Variants in PARD3B observed in about 807,000 individuals in gnomAD.
The protein encoded by PARD3B is par-3 family cell polarity regulator beta.
A neutral mutation model predicts 130.2 loss-of-function variants in PARD3B; 103 were observed. The observed-to-expected ratio is 0.79, with a 90% CI of 0.67 to 0.93. The LOEUF is 0.93. Among genes scored for constraint, PARD3B ranks in the 40% least tolerant of loss-of-function variants. The probability of loss-of-function intolerance (pLI) is 0.00; values close to 1 mark genes in which losing one functional copy is unlikely to be tolerated. For missense variants in PARD3B, 1,609 were observed against 1,499.2 expected (o/e 1.07, Z -1.21); for synonymous variants, 583 against 553.2 (o/e 1.05, Z -0.76).
chr2:204,979,328 CCTGT>C (rs1372893278), intron 3 of PARD3B, among the ~76,000 whole-genome samples: 4 of 152,156 alleles, frequency 2.6e-5, no homozygotes, highest in South Asian at 4.1e-4. Context: ...GGGCAACCAG[CCTGT>C]CTGTCTGCCT....
chr2:204,859,075 T>C (rs566919042), intron 2 of PARD3B, among the ~76,000 whole-genome samples: 1 of 152,108 alleles, frequency 6.6e-6, no homozygotes, highest in South Asian at 2.1e-4. Context: ...TACTTTTACA[T>C]GATGTTTATT....
At chr2:204,922,286 A>C (rs536447085) in intron 2 of PARD3B, among the ~76,000 whole-genome samples, 9 of 152,246 alleles carry the variant, frequency 5.9e-5, no homozygotes, top group African/African-American at 2.2e-4. Context: ...CTTGGAAGTA[A>C]GGCTAAAATG....
chr2:205,518,406 ACTGTTTT>A (rs531037570), intron 21 of PARD3B, among the ~76,000 whole-genome samples: 45 of 151,862 alleles, frequency 3.0e-4, no homozygotes, highest in African/African-American at 7.5e-4. Context: ...TGCAGCCTCT[ACTGTTTT>A]CTGTTTTCTA....
intron 1 of PARD3B, among the ~76,000 whole-genome samples, chr2:204,567,931 A>G (rs2031770986): frequency 6.6e-6 from 1 of 152,238 alleles, no homozygotes; most frequent in Non-Finnish European, 1.5e-5. Context: ...TTTTAAGGCA[A>G]CAATCCATCT....
chr2:204,932,513 T>G (rs1328385982), intron 2 of PARD3B, among the ~76,000 whole-genome samples: 1 of 152,178 alleles, frequency 6.6e-6, no homozygotes, highest in African/African-American at 2.4e-5. Flanking sequence ...AATGGTATCC[T>G]TTCTCCATAT....
At chr2:204,802,849 G>A (rs1221765809) in intron 2 of PARD3B, among the ~76,000 whole-genome samples, 1 of 152,068 alleles carries the variant, frequency 6.6e-6, no homozygotes, top group African/African-American at 2.4e-5. Flanking sequence ...TGGGGTGAGA[G>A]CATAGGGGAG....
At chr2:205,143,449 G>T (rs2033130505) in intron 10 of PARD3B, among the ~76,000 whole-genome samples, 1 of 152,194 alleles carries the variant, frequency 6.6e-6, no homozygotes, top group Non-Finnish European at 1.5e-5. Context: ...GTTCAGGGAA[G>T]AAAGAAGTCC....
At chr2:205,418,347 T>C (rs1211892151) in intron 19 of PARD3B, among the ~76,000 whole-genome samples, 2 of 152,168 alleles carry the variant, frequency 1.3e-5, no homozygotes, top group Non-Finnish European at 2.9e-5. Flanking sequence ...CAAATATTAA[T>C]TGAGCATCTA....
At chr2:205,072,055 A>G (rs920474398) in intron 4 of PARD3B, among the ~76,000 whole-genome samples, 14 of 152,166 alleles carry the variant, frequency 9.2e-5, no homozygotes, top group African/African-American at 3.1e-4. Flanking sequence ...GTAGTCTCAC[A>G]TAATAGTAAA....
chr2:204,763,015 C>T (rs1361414778), intron 2 of PARD3B, among the ~76,000 whole-genome samples: 1 of 152,204 alleles, frequency 6.6e-6, no homozygotes, highest in Admixed American at 6.5e-5. Context: ...CCACCTCGGC[C>T]TCCCAAAGTG....
rs533929272 is a variant in PARD3B at position 205,433,664 on chromosome 2, G to A, written c.2742-6706G>A. ...TATGTCAAATTACAGAACATTTCTA[G>A]CACCCATGGATGTTCCCTCATACTT... On this transcript the variant is annotated intron_variant, in intron 19 of 22. Coordinates refer to ENST00000406610, the MANE Select transcript of PARD3B (RefSeq NM_001302769.2). 4.0e-5 allele frequency among the ~76,000 whole-genome samples: 6 copies of A among 151,756 alleles called. No homozygotes were observed. In the East Asian group the frequency reaches 5.8e-4, roughly 15 times the overall value.
At chr2:205,182,277 G>T (rs998646194) in intron 13 of PARD3B, among the ~76,000 whole-genome samples, 1 of 151,288 alleles carries the variant, frequency 6.6e-6, no homozygotes, top group African/African-American at 2.4e-5. Flanking sequence ...GGGTGACAGA[G>T]TGAGACTCTG....
intron 1 of PARD3B, among the ~76,000 whole-genome samples, chr2:204,577,274 A>G (rs1483410326): frequency 6.6e-6 from 1 of 152,262 alleles, no homozygotes; most frequent in Non-Finnish European, 1.5e-5. Flanking sequence ...AATATGTGCC[A>G]GGCACTTTCT....
At chr2:204,588,987 T>TAA (rs113161674) in intron 1 of PARD3B, among the ~76,000 whole-genome samples, 1 of 150,940 alleles carries the variant, frequency 6.6e-6, no homozygotes, top group African/African-American at 2.4e-5. Context: ...GATGCCACAT[T>TAA]AAAAAAAAAT....
intron 20 of PARD3B, among the ~76,000 whole-genome samples, chr2:205,494,696 C>T (rs2049860031): frequency 6.6e-6 from 1 of 152,178 alleles, no homozygotes; most frequent in Non-Finnish European, 1.5e-5. Context: ...TTCCCTCTGC[C>T]TTGAAATGCC....
intron 10 of PARD3B, among the ~76,000 whole-genome samples, chr2:205,149,392 T>C (rs2033592620): frequency 6.6e-6 from 1 of 152,188 alleles, no homozygotes; most frequent in African/African-American, 2.4e-5. Flanking sequence ...CCTGGATTCC[T>C]ATATAAGTAA....
intron 2 of PARD3B, among the ~76,000 whole-genome samples, chr2:204,903,486 C>A (rs2046940005): frequency 6.6e-6 from 1 of 152,110 alleles, no homozygotes; most frequent in South Asian, 2.1e-4. Context: ...TAAAACTTAT[C>A]CATCTCTTCA....
At chr2:205,208,943 G>T (rs1382101440) in intron 15 of PARD3B, among the ~76,000 whole-genome samples, 2 of 132,094 alleles carry the variant, frequency 1.5e-5, no homozygotes, top group Non-Finnish European at 1.6e-5. Flanking sequence ...CAAAGCTGGA[G>T]GCATCACACT....
chr2:205,180,142 T>G (rs903304801), intron 13 of PARD3B, among the ~76,000 whole-genome samples: 13 of 151,672 alleles, frequency 8.6e-5, no homozygotes, highest in Admixed American at 6.6e-4. Context: ...ACATTATTTT[T>G]TCAAAAGTAG....
Sources: allele counts gnomAD v4.1 joint callset (sites outside exome capture counted in the v4.1 genomes callset), GRCh38; gene constraint gnomAD v4.1.1; transcripts MANE v1.5; gene names NCBI Gene and HGNC (gene_info 2026-07-23, HGNC 2026-07-21).